The following CNTN1 variants were observed in gnomAD, a reference collection of about 807,000 sequenced individuals.
The protein encoded by CNTN1 is contactin-1.
Under a neutral mutation model 126.4 loss-of-function variants are expected in CNTN1, and 38 were observed. The observed-to-expected ratio is 0.30, with a 90% CI of 0.23 to 0.39. CNTN1 has a LOEUF of 0.39. Among genes scored for constraint, CNTN1 ranks in the 10% least tolerant of loss-of-function variants. CNTN1 has a pLI of 1.00. For synonymous variants in CNTN1, 413 were observed against 422.6 expected (o/e 0.98, Z 0.28); for missense variants, 1,009 against 1,248.4 (o/e 0.81, Z 2.89).
chr12:41,043,008 A>G lies in CNTN1; in HGVS notation c.2980+13789A>G, dbSNP rs571437573. On this transcript the variant is annotated intron_variant, in intron 23 of 23. Transcript: ENST00000551295. ...TTATACAAAAATTAATTCAAGATGG[A>G]TTAAAGACTTACATGTTAGACCTAA... Among the ~76,000 whole-genome samples the G allele has an allele frequency of 7.9e-5, 12 of 152,354 alleles. No individual in the cohort carries two copies. The East Asian group carries it at 2.3e-3, about 29-fold the overall frequency.
At chr12:40,994,459 A>C (rs1948165233) in intron 17 of CNTN1, among the ~76,000 whole-genome samples, 1 of 152,154 alleles carries the variant, frequency 6.6e-6, no homozygotes, top group Non-Finnish European at 1.5e-5. Flanking sequence ...TGTTAAATCA[A>C]ATCAAATACA....
intron 1 of CNTN1, among the ~76,000 whole-genome samples, chr12:40,753,847 T>A (rs140199396): frequency 6.8e-4 from 104 of 152,276 alleles, no homozygotes; most frequent in African/African-American, 1.5e-3. Flanking sequence ...TGGAGCAACA[T>A]CAAATATGCT....
At chr12:40,943,931 A>T in intron 13 of CNTN1, 64 bp from the exon 14 acceptor site, 10 of 1,464,564 alleles carry the variant, frequency 6.8e-6, no homozygotes, top group Non-Finnish European at 9.4e-6. Context: ...TATTATTTTA[A>T]TATACCAGAT....
intron 1 of CNTN1, among the ~76,000 whole-genome samples, chr12:40,773,358 T>C (rs1258880141): frequency 6.6e-6 from 1 of 151,648 alleles, no homozygotes; most frequent in South Asian, 2.1e-4. Context: ...ACATTCATCC[T>C]GTACAACAGT....
At chr12:40,735,847 G>A (rs959692315) in intron 1 of CNTN1, among the ~76,000 whole-genome samples, 37 of 152,042 alleles carry the variant, frequency 2.4e-4, no homozygotes, top group African/African-American at 8.2e-4. Context: ...CTCGGTTTGA[G>A]TCAATAGAAA....
At chr12:40,772,154 T>C (rs1033790279) in intron 1 of CNTN1, among the ~76,000 whole-genome samples, 6 of 152,076 alleles carry the variant, frequency 3.9e-5, no homozygotes, top group African/African-American at 1.2e-4. Flanking sequence ...AATAATATAC[T>C]GCAGATGTTA....
intron 23 of CNTN1, among the ~76,000 whole-genome samples, chr12:41,032,246 A>G (rs1302529958): frequency 2.0e-5 from 3 of 152,072 alleles, no homozygotes; most frequent in East Asian, 1.9e-4. Context: ...ATCAAATCAT[A>G]TAACTCTCCT....
chr12:41,015,987 C>G (rs1156518931), intron 18 of CNTN1, among the ~76,000 whole-genome samples: 1 of 152,180 alleles, frequency 6.6e-6, no homozygotes, highest in Non-Finnish European at 1.5e-5. Context: ...GTCCCTTCCT[C>G]CTTGTCACCT....
intron 1 of CNTN1, among the ~76,000 whole-genome samples, chr12:40,859,131 TTAAAA>T (rs981598950): frequency 1.1e-4 from 17 of 151,936 alleles, no homozygotes; most frequent in Middle Eastern, 3.2e-3. Context: ...ACCCCAGAAC[TTAAAA>T]TAAATATAAA....
At chr12:40,804,703 A>C (rs1253421858) in intron 1 of CNTN1, among the ~76,000 whole-genome samples, 1 of 151,982 alleles carries the variant, frequency 6.6e-6, no homozygotes, top group Non-Finnish European at 1.5e-5. Context: ...AGCACAGTGG[A>C]CTGGCTATTT....
At position 40,743,465 on chromosome 12, in the gene CNTN1, A is replaced by G. The variant is rs138687499; in HGVS notation, c.-77+50873A>G. ...GTTATGAAATTACTTATCTTTTTGTACATCAGTTTTGTCAACAATATGGTG... is the reference window on the plus strand; with the variant it reads ...GTTATGAAATTACTTATCTTTTTGTGCATCAGTTTTGTCAACAATATGGTG... On this transcript the variant is annotated intron_variant, in intron 1 of 23. Transcript: ENST00000551295. 3.3e-3 allele frequency among the ~76,000 whole-genome samples: 507 copies of G among 152,240 alleles called. 1 individual carries two copies. Among genetic ancestry groups the G allele is most frequent in the African/African-American group, 0.012 (479 of 41,570 alleles).
chr12:40,808,012 C>T (rs1592109021), intron 1 of CNTN1, among the ~76,000 whole-genome samples: 1 of 152,034 alleles, frequency 6.6e-6, no homozygotes, highest in African/African-American at 2.4e-5. Context: ...AGTATAACTG[C>T]CTTTGATAGT....
intron 1 of CNTN1, among the ~76,000 whole-genome samples, chr12:40,722,526 C>T (rs562106622): frequency 5.3e-5 from 8 of 152,160 alleles, no homozygotes; most frequent in Admixed American, 1.3e-4. Flanking sequence ...TATTGAGATT[C>T]GTGACAGTAA....
At chr12:40,856,905 A>C (rs1478898869) in intron 1 of CNTN1, among the ~76,000 whole-genome samples, 1 of 151,514 alleles carries the variant, frequency 6.6e-6, no homozygotes, top group Admixed American at 6.6e-5. Flanking sequence ...AATGACATTC[A>C]GGAGACAAAG....
chr12:41,025,941 G>A (rs914016216), intron 21 of CNTN1, among the ~76,000 whole-genome samples: 1 of 152,078 alleles, frequency 6.6e-6, no homozygotes, highest in African/African-American at 2.4e-5. Context: ...AGGACTCTAG[G>A]GAATGTCTCA....
intron 1 of CNTN1, among the ~76,000 whole-genome samples, chr12:40,846,194 TA>T (rs902161256): frequency 6.1e-5 from 9 of 147,342 alleles, no homozygotes; most frequent in Non-Finnish European, 7.5e-5. Flanking sequence ...GGGGTGAGGG[TA>T]AAAAAAAAAT....
chr12:40,849,836 G>C (rs559050348), intron 1 of CNTN1, among the ~76,000 whole-genome samples: 8 of 152,032 alleles, frequency 5.3e-5, no homozygotes, highest in African/African-American at 1.9e-4. Flanking sequence ...TTTAAAGCCT[G>C]TGAGACACAG....
At chr12:40,935,220 C>T (rs1185449830) in intron 9 of CNTN1, among the ~76,000 whole-genome samples, 1 of 152,028 alleles carries the variant, frequency 6.6e-6, no homozygotes, top group Non-Finnish European at 1.5e-5. Context: ...AAATGGCCTC[C>T]TAAAAGGAAG....
At chr12:40,728,864 T>C (rs1417459398) in intron 1 of CNTN1, 1 of 152,208 alleles carries the variant, frequency 6.6e-6, no homozygotes, top group African/African-American at 2.4e-5. Flanking sequence ...TCTATTGTCC[T>C]ACCTGCATCA....
Sources: allele counts gnomAD v4.1 joint callset (sites outside exome capture counted in the v4.1 genomes callset), GRCh38; gene constraint gnomAD v4.1.1; transcripts MANE v1.5; gene names NCBI Gene and HGNC (gene_info 2026-07-23, HGNC 2026-07-21).